Variants in PHF24 observed in about 807,000 individuals in gnomAD.
PHF24 encodes PHD finger protein 24.
In PHF24, 25 loss-of-function variants were observed where a neutral mutation model predicts 42.6. That is an observed-to-expected ratio of 0.59 (90% CI 0.43 to 0.82). The LOEUF (loss-of-function observed/expected upper bound fraction) is 0.82. Ranked by LOEUF, PHF24 falls within the 40% of genes least tolerant of loss-of-function variation. The pLI is 0.00. For synonymous variants in PHF24, 185 were observed against 204.8 expected, an observed-to-expected ratio of 0.90 and a Z score of 0.83; for missense variants, 470 against 538.1, an observed-to-expected ratio of 0.87 and a Z score of 1.25.
chr9:34,884,489 C>A, the PHF24 span, among the ~76,000 whole-genome samples: 3 of 152,030 alleles, frequency 2.0e-5, no homozygotes, highest in African/African-American at 7.3e-5. Flanking sequence ...CCTGGACAGG[C>A]AAGGACAAAT....
At chr9:34,759,314 A>C in the PHF24 span, among the ~76,000 whole-genome samples, 1 of 152,148 alleles carries the variant, frequency 6.6e-6, no homozygotes, top group Non-Finnish European at 1.5e-5. Context: ...CAAGCCAATC[A>C]CATCCTCCCT....
chr9:34,786,523 T>C, the PHF24 span, among the ~76,000 whole-genome samples: 1 of 152,238 alleles, frequency 6.6e-6, no homozygotes, highest in Non-Finnish European at 1.5e-5. Context: ...TCTGCCGTGA[T>C]ATTTGCATTT....
chr9:34,806,163 C>T, the PHF24 span, among the ~76,000 whole-genome samples: 1 of 151,774 alleles, frequency 6.6e-6, no homozygotes, highest in Admixed American at 6.6e-5. Context: ...AGTCCTCTTA[C>T]TTTATTTTTT....
the PHF24 span, among the ~76,000 whole-genome samples, chr9:34,916,160 C>T: frequency 2.0e-4 from 31 of 152,136 alleles, no homozygotes; most frequent in African/African-American, 4.6e-4. Flanking sequence ...CATAGCAGCA[C>T]GAGAACGAAC....
chr9:34,730,651 A>G, the PHF24 span, among the ~76,000 whole-genome samples: 4 of 152,268 alleles, frequency 2.6e-5, no homozygotes, highest in Admixed American at 6.5e-5. Flanking sequence ...ATCACTACAA[A>G]TAGACTTATA....
At chr9:34,848,880 G>C in the PHF24 span, among the ~76,000 whole-genome samples, 1 of 152,100 alleles carries the variant, frequency 6.6e-6, no homozygotes, top group Admixed American at 6.6e-5. Context: ...TTCAGGAGCA[G>C]GTTGTTCAGT....
chr9:34,800,841 T>C, the PHF24 span, among the ~76,000 whole-genome samples: 1 of 151,714 alleles, frequency 6.6e-6, no homozygotes, highest in Non-Finnish European at 1.5e-5. Flanking sequence ...ACGAAAGAGC[T>C]TCCATACAGC....
chr9:34,803,683 G>C, the PHF24 span, among the ~76,000 whole-genome samples: 5 of 152,284 alleles, frequency 3.3e-5, no homozygotes, highest in African/African-American at 9.6e-5. Context: ...TATGATGGGA[G>C]AGATGGCTAG....
chr9:34,880,344 A>G, the PHF24 span, among the ~76,000 whole-genome samples: 8 of 152,366 alleles, frequency 5.3e-5, no homozygotes, highest in East Asian at 1.2e-3. Flanking sequence ...AAATTTACAC[A>G]TAACAATATT....
the PHF24 span, among the ~76,000 whole-genome samples, chr9:34,746,557 A>G: frequency 6.6e-6 from 1 of 152,374 alleles, no homozygotes; most frequent in African/African-American, 2.4e-5. Context: ...TAAAAATTGT[A>G]TGATAATATT....
chr9:34,737,571 G>A, the PHF24 span, among the ~76,000 whole-genome samples: 1 of 152,058 alleles, frequency 6.6e-6, no homozygotes, highest in East Asian at 1.9e-4. Context: ...AGAATTGCTG[G>A]GTCATGTGGT....
exon 8 of PHF24, chr9:34,979,655 A>C (rs1186716459): frequency 6.6e-6 from 1 of 152,270 alleles, no homozygotes; most frequent in African/African-American, 2.4e-5. Flanking sequence ...GGGTGCGTAC[A>C]GAAGAACACA....
At chr9:34,719,692 G>A in the PHF24 span, among the ~76,000 whole-genome samples, 2 of 152,160 alleles carry the variant, frequency 1.3e-5, no homozygotes, top group Non-Finnish European at 2.9e-5. Flanking sequence ...ATGTATGCAC[G>A]CTAACCCCTG....
At chr9:34,845,242 A>G in the PHF24 span, among the ~76,000 whole-genome samples, 2 of 152,194 alleles carry the variant, frequency 1.3e-5, no homozygotes, top group African/African-American at 4.8e-5. Context: ...TCTTGCAGGC[A>G]GCATACAGTT....
the PHF24 span, among the ~76,000 whole-genome samples, chr9:34,949,334 A>G: frequency 6.6e-6 from 1 of 152,164 alleles, no homozygotes; most frequent in African/African-American, 2.4e-5. Context: ...TGATCTTTAA[A>G]AAGTCTGGAA....
At chr9:34,729,354 A>G in the PHF24 span, 1 of 1,551,864 alleles carries the variant, frequency 6.4e-7, no homozygotes, top group Non-Finnish European at 8.7e-7. Flanking sequence ...GATAATTACA[A>G]TAACGATGAA....
chr9:34,810,172 G>A, the PHF24 span, among the ~76,000 whole-genome samples: 510 of 152,174 alleles, frequency 3.4e-3, 2 homozygotes, highest in African/African-American at 0.012. Flanking sequence ...AAGTGGGGAC[G>A]GGGGCGGCGG....
chr9:34,838,771 C>T, the PHF24 span, among the ~76,000 whole-genome samples: 3 of 152,206 alleles, frequency 2.0e-5, no homozygotes, highest in South Asian at 2.1e-4. Flanking sequence ...TTTCCACTCC[C>T]TATACCAGCC....
chr9:34,835,352 G>A, the PHF24 span: 2 of 1,550,686 alleles, frequency 1.3e-6, no homozygotes, highest in East Asian at 2.4e-5. Flanking sequence ...CTGCCTCAGG[G>A]ACTCCTCCAC....
Sources: allele counts gnomAD v4.1 joint callset (sites outside exome capture counted in the v4.1 genomes callset), GRCh38; gene constraint gnomAD v4.1.1; transcripts MANE v1.5; gene names NCBI Gene and HGNC (gene_info 2026-07-23, HGNC 2026-07-21).